GON4L: variants seen among roughly 807,000 people sequenced by gnomAD.
GON4L encodes the protein GON-4-like protein.
A neutral mutation model predicts 211.8 loss-of-function variants in GON4L; 87 were observed. The ratio of observed to expected loss-of-function variants is 0.41; its 90% CI spans 0.35 to 0.49. The LOEUF (loss-of-function observed/expected upper bound fraction) is 0.49. Ranked by LOEUF, GON4L falls within the 20% of genes least tolerant of loss-of-function variation. The pLI is 0.15. For missense variants in GON4L, 2,155 were observed against 2,659.5 expected, an observed-to-expected ratio of 0.81 and a Z score of 4.17; for synonymous variants, 875 against 962.6, an observed-to-expected ratio of 0.91 and a Z score of 1.68.
At chr1:155,749,163 A>T (rs1192990291), downstream of GON4L, among the ~76,000 whole-genome samples, 2 of 152,104 alleles carry the variant, frequency 1.3e-5, no homozygotes, top group Non-Finnish European at 1.5e-5. Context: ...GAGGCAGAAG[A>T]ATTGTTTGAA....
At chr1:155,787,426 C>T (rs1179499400) in intron 12 of GON4L, among the ~76,000 whole-genome samples, 1 of 152,168 alleles carries the variant, frequency 6.6e-6, no homozygotes, top group African/African-American at 2.4e-5. Flanking sequence ...AACACTATGT[C>T]TGGAGGACTG....
intron 17 of GON4L, 62 bp from the exon 18 acceptor site, chr1:155,773,272 C>T (rs1663401134): frequency 1.3e-6 from 2 of 1,595,518 alleles, no homozygotes; most frequent in South Asian, 1.1e-5. Context: ...TCATAAAAGC[C>T]TGTGAATGCA....
At chr1:155,798,139 T>C (rs1353511140) in intron 11 of GON4L, among the ~76,000 whole-genome samples, 1 of 148,948 alleles carries the variant, frequency 6.7e-6, no homozygotes, top group Non-Finnish European at 1.5e-5. Context: ...TATATACTTA[T>C]ACAGACACAC....
chr1:155,833,403 A>G (rs2102357474), intron 2 of GON4L, among the ~76,000 whole-genome samples: 1 of 152,104 alleles, frequency 6.6e-6, no homozygotes, highest in Admixed American at 6.6e-5. Flanking sequence ...TGATCCCAGC[A>G]TTTTGGGAGG....
intron 12 of GON4L, 121 bp downstream of exon 12, chr1:155,794,928 TA>T: frequency 1.4e-6 from 1 of 711,672 alleles, no homozygotes. Context: ...AATAAATGGG[TA>T]AAGGAAACCT....
chr1:155,777,520 A>G, intron 15 of GON4L, 102 bp downstream of exon 15: 1 of 879,928 alleles, frequency 1.1e-6, no homozygotes, highest in Admixed American at 1.7e-5. Context: ...CAGAGGTTGA[A>G]GTGAGCCGAT....
chr1:155,816,930 A>G (rs1257195996), intron 6 of GON4L, among the ~76,000 whole-genome samples: 2 of 152,114 alleles, frequency 1.3e-5, no homozygotes, highest in Non-Finnish European at 2.9e-5. Context: ...ATTCATTGTA[A>G]CAATCTTTCA....
intron 2 of GON4L, among the ~76,000 whole-genome samples, chr1:155,834,789 G>A (rs536316943): frequency 1.4e-4 from 22 of 152,240 alleles, no homozygotes; most frequent in African/African-American, 2.9e-4. Context: ...GGAAGTCCTC[G>A]CCCCTTTTCC....
chr1:155,824,895 A>G (rs146339227), intron 3 of GON4L, among the ~76,000 whole-genome samples: 4 of 152,212 alleles, frequency 2.6e-5, no homozygotes, highest in African/African-American at 9.6e-5. Context: ...TCATGCCTGT[A>G]ATCCCAGCAC....
intron 2 of GON4L, among the ~76,000 whole-genome samples, chr1:155,846,777 C>T (rs1351383508): frequency 4.6e-5 from 7 of 151,708 alleles, no homozygotes; most frequent in African/African-American, 9.7e-5. Flanking sequence ...TTTGGGAGGC[C>T]GAGGTGGGTG....
chr1:155,790,012 C>T (rs1275828351), intron 12 of GON4L, among the ~76,000 whole-genome samples: 1 of 151,972 alleles, frequency 6.6e-6, no homozygotes, highest in African/African-American at 2.4e-5. Context: ...GATCACAGCT[C>T]ACTGCAACCT....
At chr1:155,761,783 C>T (rs1344536920) in intron 23 of GON4L, among the ~76,000 whole-genome samples, 2 of 152,168 alleles carry the variant, frequency 1.3e-5, no homozygotes, top group African/African-American at 4.8e-5. Context: ...GTGTCAGCCA[C>T]CACGCCCAGC....
rs763641988 is a variant in GON4L at position 155,813,747 on chromosome 1, C to G, written c.1339G>C (p.Gly447Arg). Residue 447 changes from glycine (G) to arginine (R), a missense_variant, in exon 10 of 32, where the codon GGG becomes CGG. Transcript: ENST00000368331. ...RHISAEVVPM[G>R]PPPPPKPKQT... ...TTCGGCTTTGGAGGGGGCGGGGGCC[C>G]CATGGGCACTACCTCAGCACTGATG... 3 of 1,613,818 alleles carry G rather than the reference C, an allele frequency of 1.9e-6. No individual in the cohort carries two copies. The African/African-American group carries it at 4.0e-5, about 22-fold the overall frequency.
At chr1:155,849,127 A>G (rs1336553588) in intron 2 of GON4L, among the ~76,000 whole-genome samples, 1 of 130,432 alleles carries the variant, frequency 7.7e-6, no homozygotes, top group Non-Finnish European at 1.6e-5. Flanking sequence ...CAGCCTAAAC[A>G]ACAGAGACTC....
intron 2 of GON4L, among the ~76,000 whole-genome samples, chr1:155,852,042 G>A (rs544584624): frequency 8.7e-4 from 132 of 151,186 alleles, no homozygotes; most frequent in African/African-American, 3.1e-3. Flanking sequence ...GCAGGCACCT[G>A]TAATCCCAGC....
intron 12 of GON4L, among the ~76,000 whole-genome samples, chr1:155,786,683 TG>T (rs1664975056): frequency 6.6e-6 from 1 of 152,204 alleles, no homozygotes; most frequent in South Asian, 2.1e-4. Flanking sequence ...TGAAAGGGAC[TG>T]CCAATCCAAC....
intron 12 of GON4L, among the ~76,000 whole-genome samples, chr1:155,792,164 G>A (rs111774997): frequency 1.3e-4 from 20 of 152,098 alleles, no homozygotes; most frequent in African/African-American, 4.8e-4. Context: ...CCTCAGAGGA[G>A]GTGTAAACAA....
chr1:155,846,937 G>A (rs918556036), intron 2 of GON4L, among the ~76,000 whole-genome samples: 1 of 152,084 alleles, frequency 6.6e-6, no homozygotes, highest in Non-Finnish European at 1.5e-5. Flanking sequence ...CTTCAACCGA[G>A]CAGGGGCCAT....
chr1:155,835,146 T>C (rs1487376496), intron 2 of GON4L, among the ~76,000 whole-genome samples: 2 of 152,160 alleles, frequency 1.3e-5, no homozygotes, highest in African/African-American at 2.4e-5. Flanking sequence ...AAAATTCTTA[T>C]CCTGTTGATC....
Sources: gnomAD v4.1 joint callset for allele counts (sites outside exome capture counted in the v4.1 genomes callset) on GRCh38, gnomAD v4.1.1 for gene constraint, MANE v1.5 for transcripts, NCBI Gene and HGNC (gene_info 2026-07-23, HGNC 2026-07-21) for gene names.